DGKB: variants seen among roughly 807,000 people sequenced by gnomAD.
DGKB encodes the protein diacylglycerol kinase beta.
Under a neutral mutation model 114.3 loss-of-function variants are expected in DGKB, and 67 were observed. That is an observed-to-expected ratio of 0.59 (90% CI 0.48 to 0.72). The LOEUF (loss-of-function observed/expected upper bound fraction) is 0.72. DGKB is among the 30% of genes least tolerant of loss of function. The pLI is 0.00. For synonymous variants in DGKB, 398 were observed against 323.1 expected (o/e 1.23, Z -2.49); for missense variants, 907 against 975.2 (o/e 0.93, Z 0.93).
chr7:14,849,421 C>T (rs1423921316), intron 1 of DGKB, among the ~76,000 whole-genome samples: 1 of 152,048 alleles, frequency 6.6e-6, no homozygotes, highest in African/African-American at 2.4e-5. Context: ...GGGATTAATG[C>T]CTTTATAAAA....
At chr7:14,169,292 G>A (rs998966429) in intron 25 of DGKB, among the ~76,000 whole-genome samples, 1 of 150,464 alleles carries the variant, frequency 6.6e-6, no homozygotes, top group Non-Finnish European at 1.5e-5. Context: ...GTGAACCCGG[G>A]AGGTGGAGAT....
At chr7:14,519,778 T>G (rs1789443338) in intron 20 of DGKB, among the ~76,000 whole-genome samples, 1 of 151,978 alleles carries the variant, frequency 6.6e-6, no homozygotes, top group Non-Finnish European at 1.5e-5. Context: ...CTTTGTAATT[T>G]TAATTTGCAT....
chr7:14,319,849 T>C (rs537503640), intron 23 of DGKB, among the ~76,000 whole-genome samples: 2 of 152,248 alleles, frequency 1.3e-5, no homozygotes, highest in African/African-American at 4.8e-5. Context: ...AAGTGCAATG[T>C]TGGTACCTTG....
intron 4 of DGKB, among the ~76,000 whole-genome samples, chr7:14,742,315 A>G (rs553935099): frequency 1.3e-5 from 2 of 152,298 alleles, no homozygotes; most frequent in African/African-American, 4.8e-5. Context: ...CTGTCTGTCT[A>G]TGTAGTTATA....
intron 23 of DGKB, among the ~76,000 whole-genome samples, chr7:14,226,705 A>C (rs1026543665): frequency 7.9e-5 from 12 of 152,018 alleles, no homozygotes; most frequent in African/African-American, 2.9e-4. Flanking sequence ...CAAATTTTTC[A>C]GATAATTATC....
At chr7:14,211,330 GTTTTGTGATTTTACTCTCA>G (rs1787797243) in intron 23 of DGKB, among the ~76,000 whole-genome samples, 13 of 99,148 alleles carry the variant, frequency 1.3e-4, no homozygotes, top group East Asian at 8.6e-4. Flanking sequence ...TTACTCTCAT[GTTTTGTGATTTTACTCTCA>G]TGTTTTGTGA....
chr7:14,845,528 C>T lies in DGKB; in HGVS notation c.-187-4078G>A, dbSNP rs557580019. ...TATTAGATTCTGCATCACCATCCTG[C>T]GCTACACTCCACGATGTAAGCCCCA... On this transcript the variant is annotated intron_variant, in intron 1 of 25. Coordinates refer to ENST00000402815, the MANE Select transcript of DGKB (RefSeq NM_001350709.2). 2.6e-5 allele frequency among the ~76,000 whole-genome samples: 4 copies of T among 152,240 alleles called. No individual in the cohort carries two copies. The East Asian group carries it at 5.8e-4, about 22-fold the overall frequency.
At chr7:14,313,575 G>A (rs917537547) in intron 23 of DGKB, among the ~76,000 whole-genome samples, 1 of 152,202 alleles carries the variant, frequency 6.6e-6, no homozygotes, top group South Asian at 2.1e-4. Context: ...CTTTTCCGAC[G>A]GGCTTAAAAA....
intron 1 of DGKB, among the ~76,000 whole-genome samples, chr7:14,967,261 T>TC (rs1787207538): frequency 2.0e-5 from 3 of 152,146 alleles, no homozygotes; most frequent in Non-Finnish European, 4.4e-5. Flanking sequence ...GCAAACAAAC[T>TC]ATTTCATTCA....
At chr7:14,252,771 C>G (rs1795426555) in intron 23 of DGKB, among the ~76,000 whole-genome samples, 1 of 152,148 alleles carries the variant, frequency 6.6e-6, no homozygotes, top group Non-Finnish European at 1.5e-5. Flanking sequence ...GGGCCAGAGT[C>G]CACTGGCATT....
chr7:14,880,703 C>G (rs924298214), intron 1 of DGKB, among the ~76,000 whole-genome samples: 2 of 152,098 alleles, frequency 1.3e-5, no homozygotes, highest in African/African-American at 4.8e-5. Context: ...GAAGTTTATG[C>G]TCTTTTTAAC....
At chr7:14,352,259 G>A (rs1270424627) in intron 21 of DGKB, among the ~76,000 whole-genome samples, 3 of 151,882 alleles carry the variant, frequency 2.0e-5, no homozygotes, top group South Asian at 2.1e-4. Context: ...TTTTTTATAT[G>A]TAAGTGTAAG....
At chr7:14,728,584 A>G (rs1193811930) in intron 5 of DGKB, among the ~76,000 whole-genome samples, 1 of 152,190 alleles carries the variant, frequency 6.6e-6, no homozygotes, top group African/African-American at 2.4e-5. Flanking sequence ...GGTCATGAGC[A>G]TCATCTGCTC....
chr7:14,704,062 T>G (rs928245297), intron 6 of DGKB, among the ~76,000 whole-genome samples: 2 of 152,052 alleles, frequency 1.3e-5, no homozygotes, highest in African/African-American at 2.4e-5. Context: ...CCATCATTAT[T>G]TTTTCTTCTC....
chr7:14,374,175 C>G (rs1818125487), intron 21 of DGKB, among the ~76,000 whole-genome samples: 2 of 152,140 alleles, frequency 1.3e-5, no homozygotes, highest in Admixed American at 1.3e-4. Context: ...CCAACCTTTA[C>G]TTGCTCATAT....
At chr7:14,578,553 C>T (rs1364578829) in intron 19 of DGKB, among the ~76,000 whole-genome samples, 2 of 152,144 alleles carry the variant, frequency 1.3e-5, no homozygotes, top group Non-Finnish European at 2.9e-5. Context: ...TGATACCTTG[C>T]TTTCCCTAAA....
At chr7:14,830,968 G>T (rs929522) in intron 2 of DGKB, among the ~76,000 whole-genome samples, 2 of 151,668 alleles carry the variant, frequency 1.3e-5, no homozygotes, top group South Asian at 2.1e-4. Context: ...TGTGTTAAGA[G>T]ACTTAGTTTT....
At chr7:14,619,594 C>G (rs1344443553) in intron 15 of DGKB, among the ~76,000 whole-genome samples, 3 of 151,560 alleles carry the variant, frequency 2.0e-5, no homozygotes, top group Non-Finnish European at 4.4e-5. Context: ...CACAGAAGAA[C>G]AAGATGTTCA....
chr7:14,375,547 T>C (rs1409958318), intron 21 of DGKB, among the ~76,000 whole-genome samples: 1 of 152,250 alleles, frequency 6.6e-6, no homozygotes, highest in African/African-American at 2.4e-5. Flanking sequence ...TGATTCTTCA[T>C]AACTGCTGTT....
Sources: allele counts gnomAD v4.1 joint callset (sites outside exome capture counted in the v4.1 genomes callset), GRCh38; gene constraint gnomAD v4.1.1; transcripts MANE v1.5; gene names NCBI Gene and HGNC (gene_info 2026-07-23, HGNC 2026-07-21).